The following TRPC5 variants were observed in gnomAD, a reference collection of about 807,000 sequenced individuals.
The protein encoded by TRPC5 is short transient receptor potential channel 5.
Under a neutral mutation model 56.5 loss-of-function variants are expected in TRPC5, and 9 were observed. That is an observed-to-expected ratio of 0.16 (90% CI 0.10 to 0.28). The LOEUF (loss-of-function observed/expected upper bound fraction) is 0.28, where lower values mean the gene tolerates loss of function less well. TRPC5 is among the 10% of genes least tolerant of loss of function. TRPC5 has a pLI of 1.00. For synonymous variants in TRPC5, 282 were observed against 278.5 expected, an observed-to-expected ratio of 1.01 and a Z score of -0.13; for missense variants, 469 against 748.9, an observed-to-expected ratio of 0.63 and a Z score of 4.36.
intron 1 of TRPC5, among the ~76,000 whole-genome samples, chrX:112,073,338 C>T (rs1278424001): frequency 2.7e-5 from 3 of 111,284 alleles, no homozygotes; most frequent in Non-Finnish European, 3.8e-5. Context: ...GGCATGATCT[C>T]AGCTCACTGT....
At position 111,917,933 on chromosome X, in the gene TRPC5, AAGGCTTCACCCTTGTCT is replaced by A. The variant is rs1447621456; in HGVS notation, c.379-5138_379-5122del. 1.2e-4 allele frequency among the ~76,000 whole-genome samples: 13 copies of A among 112,840 alleles called. No individual in the cohort carries two copies. The East Asian group carries it at 3.1e-3, about 26-fold the overall frequency. ...GCACCTGTGCCCTAGCTTTTAAAAC[AAGGCTTCACCCTTGTCT>A]GAGTTTCTGGCCTAATATCCCAAGC... On this transcript the variant is annotated intron_variant, in intron 2 of 10. Transcript: ENST00000262839.
At chrX:112,071,340 A>ATAAATAAG (rs1930715126) in intron 1 of TRPC5, among the ~76,000 whole-genome samples, 1 of 104,977 alleles carries the variant, frequency 9.5e-6, no homozygotes, top group African/African-American at 3.9e-5. Context: ...AAATAAATAA[A>ATAAATAAG]TAAATAAAAA....
At chrX:111,960,961 A>G (rs935545444) in intron 1 of TRPC5, among the ~76,000 whole-genome samples, 55 of 110,642 alleles carry the variant, frequency 5.0e-4, no homozygotes, top group African/African-American at 1.8e-3. Flanking sequence ...ACAGGCATGC[A>G]CTACTATGCC....
chrX:111,959,508 A>G (rs986268845), intron 1 of TRPC5, among the ~76,000 whole-genome samples: 1 of 112,059 alleles, frequency 8.9e-6, no homozygotes, highest in Non-Finnish European at 1.9e-5. Context: ...AGAACAAAAA[A>G]TATATGACAT....
intron 1 of TRPC5, among the ~76,000 whole-genome samples, chrX:111,993,267 T>G (rs1928417507): frequency 8.9e-6 from 1 of 111,779 alleles, no homozygotes; most frequent in South Asian, 3.8e-4. Flanking sequence ...TTCCATGGTG[T>G]ATATGTGCCA....
intron 7 of TRPC5, among the ~76,000 whole-genome samples, chrX:111,785,267 A>G (rs1945952607): frequency 8.9e-6 from 1 of 112,068 alleles, no homozygotes; most frequent in African/African-American, 3.3e-5. Flanking sequence ...ACGCAGGTAA[A>G]CAGGGTCTGG....
At chrX:111,850,517 G>A (rs1923055743) in intron 5 of TRPC5, among the ~76,000 whole-genome samples, 1 of 111,814 alleles carries the variant, frequency 8.9e-6, no homozygotes, top group Non-Finnish European at 1.9e-5. Context: ...AGGTCATCCA[G>A]CCTGGACTTC....
intron 1 of TRPC5, among the ~76,000 whole-genome samples, chrX:111,957,739 C>T (rs905588055): frequency 5.4e-5 from 6 of 112,144 alleles, no homozygotes; most frequent in African/African-American, 1.6e-4. Context: ...CTATTTGTCA[C>T]GCCCAGAGCA....
intron 4 of TRPC5, among the ~76,000 whole-genome samples, chrX:111,852,789 T>C (rs1923121229): frequency 8.9e-6 from 1 of 111,924 alleles, no homozygotes; most frequent in African/African-American, 3.3e-5. Flanking sequence ...ATTAGATCAG[T>C]ATTATCCCAT....
chrX:111,990,270 T>C (rs554364113), intron 1 of TRPC5, among the ~76,000 whole-genome samples: 1 of 110,185 alleles, frequency 9.1e-6, no homozygotes, highest in South Asian at 4.0e-4. Context: ...ATACAAAAAT[T>C]AGCCAGGCAT....
At chrX:111,991,649 ATTT>A (rs1928357776) in intron 1 of TRPC5, among the ~76,000 whole-genome samples, 1 of 112,139 alleles carries the variant, frequency 8.9e-6, no homozygotes, top group South Asian at 3.7e-4. Context: ...CCTGCACATC[ATTT>A]TCTAAAAACC....
chrX:111,937,749 C>G (rs1193309462), intron 2 of TRPC5, among the ~76,000 whole-genome samples: 1 of 98,879 alleles, frequency 1.0e-5, no homozygotes, highest in South Asian at 5.0e-4. Flanking sequence ...GTTACTGTAG[C>G]CTTGTAGTAT....
intron 2 of TRPC5, among the ~76,000 whole-genome samples, chrX:111,944,301 T>TGAAAGAGAGA (rs1166564102): frequency 3.8e-4 from 32 of 84,556 alleles, no homozygotes; most frequent in Non-Finnish European, 4.6e-4. Flanking sequence ...TGTGTGTGTG[T>TGAAAGAGAGA]GTGAGAGAGA....
chrX:112,002,188 A>G (rs1274751150), intron 1 of TRPC5, among the ~76,000 whole-genome samples: 1 of 112,045 alleles, frequency 8.9e-6, no homozygotes, highest in Non-Finnish European at 1.9e-5. Flanking sequence ...AAACCATCCC[A>G]TGGCTCCCAG....
intron 7 of TRPC5, among the ~76,000 whole-genome samples, chrX:111,822,904 C>T (rs773930898): frequency 1.2e-4 from 13 of 111,152 alleles, no homozygotes; most frequent in South Asian, 7.8e-4. Context: ...CTGATGTTCC[C>T]GATGAACATC....
intron 1 of TRPC5, among the ~76,000 whole-genome samples, chrX:111,972,625 T>C (rs377207492): frequency 8.9e-6 from 1 of 112,422 alleles, no homozygotes; most frequent in East Asian, 2.8e-4. Flanking sequence ...TTGCTGATTG[T>C]GGTTAGAGGA....
rs762563325 is a variant in TRPC5, at chrX:111,993,976, C to T, written c.-21-41535G>A. Among the ~76,000 whole-genome samples, 26 of 111,794 alleles carry T rather than the reference C, an allele frequency of 2.3e-4. No homozygotes were observed. In the South Asian group the frequency reaches 9.3e-3, roughly 40 times the overall value. ...GGTGTTTTAGTCATGAAGTCCTTGC[C>T]CATGCCTATGTCCTGAATGGTATTG... On this transcript the variant is annotated intron_variant, in intron 1 of 10. Transcript: ENST00000262839.
At chrX:111,842,039 CTCTATCTATCTA>C (rs72289513) in intron 6 of TRPC5, among the ~76,000 whole-genome samples, 88 of 89,919 alleles carry the variant, frequency 9.8e-4, no homozygotes, top group African/African-American at 1.6e-3. Context: ...CTATCTATAG[CTCTATCTATCTA>C]TCTATCTATC....
rs1930999567 is a variant in TRPC5 at position 112,082,555 on chromosome X, C to A, written c.-698G>T. On this transcript the variant is annotated 5_prime_UTR_variant, in exon 1 of 11. Transcript: ENST00000262839. ...CTTCTGCTGCCGTTTCTGGAATATG[C>A]TATACAGAGAAGGGGAGAGAAAAGC... 9.0e-6 allele frequency: 1 copy of A among 110,682 alleles called. No individual in the cohort carries two copies. The highest frequency in any genetic ancestry group is 9.5e-5 in the Admixed American group (1 of 10,492). 9.1% of individuals were successfully genotyped at this position (110,682 alleles called of 1,213,427 possible).
Sources: allele counts gnomAD v4.1 joint callset (sites outside exome capture counted in the v4.1 genomes callset), GRCh38; gene constraint gnomAD v4.1.1; transcripts MANE v1.5; gene names NCBI Gene and HGNC (gene_info 2026-07-23, HGNC 2026-07-21).